The following SNTG1 variants were observed in gnomAD, a reference collection of about 807,000 sequenced individuals.
The protein encoded by SNTG1 is syntrophin gamma 1.
A neutral mutation model predicts 74.7 loss-of-function variants in SNTG1; 39 were observed. The ratio of observed to expected loss-of-function variants is 0.52; its 90% CI spans 0.40 to 0.68. The LOEUF is 0.68. Among genes scored for constraint, SNTG1 ranks in the 30% least tolerant of loss-of-function variants. The pLI, the probability that SNTG1 is intolerant of heterozygous loss-of-function variation, is 0.00. For synonymous variants in SNTG1, 254 were observed against 217.1 expected, an observed-to-expected ratio of 1.17 and a Z score of -1.49; for missense variants, 685 against 609.5, an observed-to-expected ratio of 1.12 and a Z score of -1.30.
chr8:50,546,883 A>T (rs1292442880), intron 11 of SNTG1, among the ~76,000 whole-genome samples: 1 of 151,992 alleles, frequency 6.6e-6, no homozygotes, highest in Non-Finnish European at 1.5e-5. Context: ...CTGAGTTCAA[A>T]CAATTTTCCT....
chr8:50,041,009 G>T (rs1370688275), intron 1 of SNTG1, among the ~76,000 whole-genome samples: 1 of 152,102 alleles, frequency 6.6e-6, no homozygotes, highest in African/African-American at 2.4e-5. Flanking sequence ...TGATTCTCCT[G>T]CCTCAGCCTC....
chr8:50,286,481 T>C (rs1415874596), intron 2 of SNTG1: 1 of 152,198 alleles, frequency 6.6e-6, no homozygotes, highest in Non-Finnish European at 1.5e-5. Context: ...TCTACTTCTA[T>C]CCAAATGGGG....
chr8:49,935,835 A>G (rs897008909), intron 1 of SNTG1, among the ~76,000 whole-genome samples: 3 of 152,176 alleles, frequency 2.0e-5, no homozygotes, highest in Admixed American at 6.5e-5. Flanking sequence ...AGTCTTTCAA[A>G]TTTGTATCCT....
chr8:50,484,536 T>G (rs1382235152), intron 8 of SNTG1, among the ~76,000 whole-genome samples: 1 of 150,656 alleles, frequency 6.6e-6, no homozygotes, highest in African/African-American at 2.4e-5. Flanking sequence ...GATATAGACA[T>G]GTTCTCTACT....
intron 5 of SNTG1, among the ~76,000 whole-genome samples, chr8:50,441,991 A>C (rs893801344): frequency 2.6e-5 from 4 of 152,220 alleles, no homozygotes; most frequent in Admixed American, 2.0e-4. Context: ...ATAAGAAAAA[A>C]AAAGCAAAAG....
intron 9 of SNTG1, among the ~76,000 whole-genome samples, chr8:50,507,322 A>G (rs2094015580): frequency 6.6e-6 from 1 of 151,968 alleles, no homozygotes; most frequent in Non-Finnish European, 1.5e-5. Flanking sequence ...TGGTTTCAGT[A>G]TCTGGGTAAT....
chr8:50,486,180 G>T (rs1276558029), intron 8 of SNTG1, among the ~76,000 whole-genome samples: 2 of 151,346 alleles, frequency 1.3e-5, no homozygotes, highest in African/African-American at 2.4e-5. Flanking sequence ...TTCCAATTCT[G>T]TGAAGAAAGT....
At chr8:50,220,801 C>A (rs1430320624) in intron 2 of SNTG1, among the ~76,000 whole-genome samples, 1 of 152,216 alleles carries the variant, frequency 6.6e-6, no homozygotes, top group Non-Finnish European at 1.5e-5. Context: ...ACATTGAAGA[C>A]TTCTATTTCC....
At chr8:50,727,353 T>C (rs1028928176) in intron 17 of SNTG1, among the ~76,000 whole-genome samples, 3 of 152,166 alleles carry the variant, frequency 2.0e-5, no homozygotes, top group African/African-American at 7.2e-5. Flanking sequence ...CTATACAAGC[T>C]GTCTTAGATT....
At chr8:50,210,544 A>G (rs973735007) in intron 2 of SNTG1, among the ~76,000 whole-genome samples, 1 of 152,218 alleles carries the variant, frequency 6.6e-6, no homozygotes, top group Non-Finnish European at 1.5e-5. Flanking sequence ...CAGAAACTGT[A>G]CAAGCCAGAA....
intron 18 of SNTG1, among the ~76,000 whole-genome samples, chr8:50,760,793 G>T (rs1330271333): frequency 2.0e-5 from 3 of 151,878 alleles, no homozygotes; most frequent in Non-Finnish European, 4.4e-5. Context: ...TGAATTCCTG[G>T]ACACGTACAC....
At chr8:50,245,858 C>T (rs921707359) in intron 2 of SNTG1, among the ~76,000 whole-genome samples, 13 of 151,920 alleles carry the variant, frequency 8.6e-5, no homozygotes, top group Non-Finnish European at 1.5e-4. Context: ...AGTCATTATG[C>T]GTGATAGAAC....
chr8:50,514,489 T>G (rs1209989549), intron 9 of SNTG1, among the ~76,000 whole-genome samples: 1 of 152,212 alleles, frequency 6.6e-6, no homozygotes, highest in Non-Finnish European at 1.5e-5. Flanking sequence ...TTTGACTTAT[T>G]GGTTTTTCAA....
intron 8 of SNTG1, among the ~76,000 whole-genome samples, chr8:50,481,237 C>T (rs1048517976): frequency 6.6e-6 from 1 of 152,026 alleles, no homozygotes; most frequent in Non-Finnish European, 1.5e-5. Context: ...AAAAATTAGC[C>T]GGGTATGGTG....
chr8:50,368,565 C>T (rs2092181334), intron 2 of SNTG1, among the ~76,000 whole-genome samples: 1 of 152,056 alleles, frequency 6.6e-6, no homozygotes, highest in Admixed American at 6.6e-5. Flanking sequence ...TCAGCAGAAG[C>T]CAGGAACAGC....
chr8:50,508,182 C>A (rs1407219327), intron 9 of SNTG1, among the ~76,000 whole-genome samples: 1 of 152,032 alleles, frequency 6.6e-6, no homozygotes, highest in Non-Finnish European at 1.5e-5. Context: ...GGTTTTTTGT[C>A]CTTGCGATAA....
intron 2 of SNTG1, among the ~76,000 whole-genome samples, chr8:50,347,766 C>A (rs1016211957): frequency 6.6e-6 from 1 of 152,138 alleles, no homozygotes; most frequent in Non-Finnish European, 1.5e-5. Context: ...TCATTCATTG[C>A]AAGAAAGTAT....
chr8:50,706,745 G>A (rs192084052), intron 16 of SNTG1, among the ~76,000 whole-genome samples: 1 of 152,054 alleles, frequency 6.6e-6, no homozygotes, highest in African/African-American at 2.4e-5. Context: ...CACCTTTGTA[G>A]TATTACTTTC....
chr8:50,658,701 C>T (rs1218812372), intron 15 of SNTG1, 38 bp downstream of exon 15: 2 of 1,442,842 alleles, frequency 1.4e-6, no homozygotes. Context: ...AATGGCTTTT[C>T]CTCAGCAAAT....
Sources: gnomAD v4.1 joint callset for allele counts (sites outside exome capture counted in the v4.1 genomes callset) on GRCh38, gnomAD v4.1.1 for gene constraint, MANE v1.5 for transcripts, NCBI Gene and HGNC (gene_info 2026-07-23, HGNC 2026-07-21) for gene names.